Variants in MRTFB observed in about 807,000 individuals in gnomAD.
The protein encoded by MRTFB is myocardin-related transcription factor B.
A neutral mutation model predicts 104.2 loss-of-function variants in MRTFB; 29 were observed. That is an observed-to-expected ratio of 0.28 (90% CI 0.21 to 0.38). The LOEUF is 0.38. MRTFB is among the 10% of genes least tolerant of loss of function. The probability of loss-of-function intolerance (pLI) is 1.00; values close to 1 mark genes in which losing one functional copy is unlikely to be tolerated. For synonymous variants in MRTFB, 535 were observed against 519.5 expected, an observed-to-expected ratio of 1.03 and a Z score of -0.41; for missense variants, 1,270 against 1,341.6, an observed-to-expected ratio of 0.95 and a Z score of 0.83.
intron 3 of MRTFB, among the ~76,000 whole-genome samples, chr16:14,161,084 AC>A (rs1405355392): frequency 7.3e-5 from 6 of 81,694 alleles, no homozygotes; most frequent in African/African-American, 3.4e-4. Flanking sequence ...TAATGCCAGG[AC>A]TTTTTTTTTT....
chr16:14,138,348 C>A (rs2037829180), intron 2 of MRTFB, among the ~76,000 whole-genome samples: 1 of 152,092 alleles, frequency 6.6e-6, no homozygotes, highest in Non-Finnish European at 1.5e-5. Context: ...TTTCTGAAAT[C>A]TAAGTTTTTA....
intron 2 of MRTFB, among the ~76,000 whole-genome samples, chr16:14,120,072 C>T (rs1279036952): frequency 6.6e-6 from 1 of 152,164 alleles, no homozygotes; most frequent in Non-Finnish European, 1.5e-5. Context: ...TTGGGCATCA[C>T]TTCTTATGTT....
intron 3 of MRTFB, among the ~76,000 whole-genome samples, chr16:14,154,919 C>G (rs552797423): frequency 4.2e-4 from 64 of 152,304 alleles, no homozygotes; most frequent in African/African-American, 1.3e-3. Context: ...GTGATAATCT[C>G]TTGTAGCATT....
At chr16:14,077,079 C>G (rs1189678415) in intron 1 of MRTFB, among the ~76,000 whole-genome samples, 2 of 152,138 alleles carry the variant, frequency 1.3e-5, no homozygotes, top group African/African-American at 4.8e-5. Flanking sequence ...TTAAAAATGA[C>G]TTTCATGTAT....
At chr16:14,145,080 T>C (rs553793039) in intron 3 of MRTFB, among the ~76,000 whole-genome samples, 5 of 151,212 alleles carry the variant, frequency 3.3e-5, no homozygotes, top group African/African-American at 1.2e-4. Flanking sequence ...TTGACAGTTA[T>C]GTGAGCAGAG....
rs2043765581 is a variant in MRTFB, at chr16:14,261,227, A to C, written c.3083A>C (p.His1028Pro). 6.2e-7 allele frequency: 1 copy of C among 1,614,052 alleles called. No homozygotes were observed. Among genetic ancestry groups the C allele is most frequent in the African/African-American group, 1.3e-5 (1 of 74,920 alleles). ...CTGAGTCACTCAGGTATGCTGGACC[A>C]TTCACACTCACCCATGGAGACTTCC... ...DLLSHSGMLD[H>P]SHSPMETSET... is the part of the protein sequence containing the mutation. The change falls in exon 17 of 17, where the codon CAT (histidine) becomes CCT (proline). Residue 1028 changes from histidine to proline, a missense_variant. This residue lies in a region of MRTFB where 1,144 missense variants were observed against 1,131.5 expected (regional missense o/e 1.01). Transcript: ENST00000571589.
Position 14,193,584 on chromosome 16 carries a change from C to A in MRTFB, c.155-16659C>A, listed in dbSNP as rs899821393. Reference sequence around the variant, plus strand: ...ATTATTTTATTCAATATCCCTCCCCCCTCTAGACTGTAAGATCTATGAGGA... The same window carrying A: ...ATTATTTTATTCAATATCCCTCCCCACTCTAGACTGTAAGATCTATGAGGA... On this transcript the variant is annotated intron_variant, in intron 3 of 16. Transcript: ENST00000571589. 19 of 152,322 alleles carry A rather than the reference C, an allele frequency of 1.2e-4. No homozygotes were observed. The East Asian group carries it at 1.9e-3, about 15-fold the overall frequency. The allele number at this position is 152,322 out of a possible 1,614,324, so 9.4% of individuals were successfully genotyped here.
At chr16:14,071,911 A>G (rs1444382542) in intron 1 of MRTFB, among the ~76,000 whole-genome samples, 1 of 152,004 alleles carries the variant, frequency 6.6e-6, no homozygotes, top group Non-Finnish European at 1.5e-5. Flanking sequence ...AGCTTGGTAT[A>G]TGGGTTTCTT....
At chr16:14,133,508 A>G (rs1321726497) in intron 2 of MRTFB, among the ~76,000 whole-genome samples, 6 of 152,196 alleles carry the variant, frequency 3.9e-5, no homozygotes, top group East Asian at 1.9e-4. Flanking sequence ...TTTAAATTCC[A>G]TTGATTCCTA....
At chr16:14,244,469 T>C (rs1003280147) in intron 10 of MRTFB, among the ~76,000 whole-genome samples, 2 of 152,076 alleles carry the variant, frequency 1.3e-5, no homozygotes, top group African/African-American at 4.8e-5. Context: ...AAGAAAAGTT[T>C]CAAAGAAAAG....
At chr16:14,036,847 C>T in the MRTFB span, among the ~76,000 whole-genome samples, 1 of 152,084 alleles carries the variant, frequency 6.6e-6, no homozygotes, top group Non-Finnish European at 1.5e-5. Flanking sequence ...CAGGGCCAGC[C>T]CCCACTGAAC....
chr16:14,045,350 C>A, the MRTFB span, among the ~76,000 whole-genome samples: 1 of 152,164 alleles, frequency 6.6e-6, no homozygotes, highest in Non-Finnish European at 1.5e-5. Context: ...GCCTAGATCC[C>A]GACACAGCTG....
the MRTFB span, among the ~76,000 whole-genome samples, chr16:14,036,938 C>G: frequency 5.9e-4 from 87 of 148,460 alleles, 1 homozygote; most frequent in South Asian, 0.017. Context: ...ATTAGCTTGT[C>G]AAGTTCACAC....
intron 15 of MRTFB, among the ~76,000 whole-genome samples, chr16:14,257,651 G>A (rs2043557392): frequency 6.6e-6 from 1 of 152,082 alleles, no homozygotes; most frequent in South Asian, 2.1e-4. Context: ...TTTTGTTTAT[G>A]GTTTCATGGG....
At chr16:14,152,723 G>A (rs1488449742) in intron 3 of MRTFB, 1 of 152,178 alleles carries the variant, frequency 6.6e-6, no homozygotes, top group Non-Finnish European at 1.5e-5. Context: ...TGAGTGGCAT[G>A]TATGAAATTC....
intron 9 of MRTFB, 128 bp from the exon 10 acceptor site, chr16:14,240,109 T>C (rs1350489036): frequency 1.7e-6 from 2 of 1,152,760 alleles, no homozygotes; most frequent in African/African-American, 3.1e-5. Flanking sequence ...AGCATATTGC[T>C]TTCCAAAGTG....
chr16:13,999,972 C>G, the MRTFB span, among the ~76,000 whole-genome samples: 1 of 152,180 alleles, frequency 6.6e-6, no homozygotes, highest in Non-Finnish European at 1.5e-5. Context: ...TCGCCTCCCC[C>G]TTCTCTATTT....
chr16:14,049,298 G>T, the MRTFB span, among the ~76,000 whole-genome samples: 44 of 152,330 alleles, frequency 2.9e-4, no homozygotes, highest in East Asian at 4.0e-3. Flanking sequence ...AAACATTAAA[G>T]AAATCATGTA....
intron 13 of MRTFB, 103 bp from the exon 14 acceptor site, chr16:14,251,759 T>C: frequency 8.0e-7 from 1 of 1,253,286 alleles, no homozygotes. Context: ...CTGCAGCCCT[T>C]TACAGAAAAA....
Sources: allele counts gnomAD v4.1 joint callset (sites outside exome capture counted in the v4.1 genomes callset), GRCh38; gene constraint gnomAD v4.1.1; regional missense constraint gnomAD v4.1.1; transcripts MANE v1.5; gene names NCBI Gene and HGNC (gene_info 2026-07-23, HGNC 2026-07-21).